Variants in RPGRIP1 observed in about 807,000 individuals in gnomAD.
The protein encoded by RPGRIP1 is RPGR interacting protein 1, also known as X-linked retinitis pigmentosa GTPase regulator-interacting protein 1.
Under a neutral mutation model 157.9 loss-of-function variants are expected in RPGRIP1, and 128 were observed. The observed-to-expected ratio is 0.81, with a 90% CI of 0.70 to 0.94. RPGRIP1 has a LOEUF of 0.94. Ranked by LOEUF, RPGRIP1 falls within the 40% of genes least tolerant of loss-of-function variation. The probability of loss-of-function intolerance (pLI) is 0.00; values close to 1 mark genes in which losing one functional copy is unlikely to be tolerated. For synonymous variants in RPGRIP1, 554 were observed against 571.6 expected (o/e 0.97, Z 0.44); for missense variants, 1,486 against 1,545.8 (o/e 0.96, Z 0.65).
chr14:21,298,915 G>A (rs1159156337), intron 3 of RPGRIP1, among the ~76,000 whole-genome samples: 1 of 134,828 alleles, frequency 7.4e-6, no homozygotes, highest in Non-Finnish European at 1.5e-5. Flanking sequence ...GCTCCAGCCT[G>A]AGCAACAGAG....
At chr14:21,328,110 G>A (rs899978539) in intron 18 of RPGRIP1, among the ~76,000 whole-genome samples, 7 of 151,992 alleles carry the variant, frequency 4.6e-5, no homozygotes, top group African/African-American at 9.7e-5. Flanking sequence ...TGGAGGTTGC[G>A]GCGAGCCGAG....
At chr14:21,330,073 G>C (rs969774823) in intron 19 of RPGRIP1, among the ~76,000 whole-genome samples, 176 bp from the exon 20 acceptor site, 2 of 151,176 alleles carry the variant, frequency 1.3e-5, no homozygotes, top group African/African-American at 2.4e-5. Flanking sequence ...AGCCGAGATG[G>C]TGCCACTGCA....
At position 21,330,262 on chromosome 14, in the gene RPGRIP1, C is replaced by T. The variant is rs1883597379; in HGVS notation, c.3113C>T (p.Thr1038Ile). ...CTTATTCTGAAGCAGGTGAATTACA[C>T]TGAGTGGAAGTTCTCAGAGACTAAC... ...NGNTPEQVNY[T>I]EWKFSETNSF... The change falls in exon 20 of 25, where the codon ACT (threonine) becomes ATT (isoleucine). Residue 1038 changes from threonine (T) to isoleucine (I), a missense_variant. Transcript: ENST00000400017. The T allele has an allele frequency of 6.4e-7, 1 of 1,562,888 alleles. No homozygotes were observed. Among genetic ancestry groups the T allele is most frequent in the Admixed American group, 2.0e-5 (1 of 50,098 alleles).
At chr14:21,318,260 C>A in intron 11 of RPGRIP1, 1 of 347,642 alleles carries the variant, frequency 2.9e-6, no homozygotes, top group Non-Finnish European at 5.5e-6. Context: ...GCATGCACTA[C>A]CACGCCTGGC....
intron 21 of RPGRIP1, among the ~76,000 whole-genome samples, chr14:21,342,587 T>G (rs1885128202): frequency 6.6e-6 from 1 of 151,940 alleles, no homozygotes; most frequent in East Asian, 1.9e-4. Context: ...TAGAAATTTA[T>G]TTATTTGTAT....
Position 21,343,060 on chromosome 14 carries a change from A to G in RPGRIP1, c.3364A>G (p.Ile1122Val), listed in dbSNP as rs1363679912. 1 of 1,612,600 alleles carries G rather than the reference A, an allele frequency of 6.2e-7. No individual in the cohort carries two copies. Among genetic ancestry groups the G allele is most frequent in the Non-Finnish European group, 8.5e-7 (1 of 1,179,310 alleles). ...KADSEKMCIE[I>V]VSLAFYPEAE... is the part of the protein sequence containing the mutation. Reference sequence around the variant, plus strand: ...GGATTCAGAGAAGATGTGCATTGAAATTGTCTCCCTGGCCTTCTACCCAGA... The same window carrying G: ...GGATTCAGAGAAGATGTGCATTGAAGTTGTCTCCCTGGCCTTCTACCCAGA... Residue 1122 changes from isoleucine (I) to valine (V), a missense_variant, in exon 22 of 25, where the codon ATT becomes GTT. Coordinates refer to ENST00000400017, the MANE Select transcript of RPGRIP1 (RefSeq NM_020366.4).
chr14:21,321,725 C>T (rs1882493920), intron 13 of RPGRIP1, 129 bp from the exon 14 acceptor site: 1 of 995,790 alleles, frequency 1.0e-6, no homozygotes, highest in Non-Finnish European at 1.4e-6. Flanking sequence ...GGAAATCAAA[C>T]CTTCTTCTAG....
chr14:21,299,280 G>A (rs1487941934), intron 3 of RPGRIP1, among the ~76,000 whole-genome samples: 1 of 151,978 alleles, frequency 6.6e-6, no homozygotes, highest in African/African-American at 2.4e-5. Context: ...AGGATTACAG[G>A]CGTGAGCCAC....
At chr14:21,341,727 G>T (rs1360535010) in intron 21 of RPGRIP1, among the ~76,000 whole-genome samples, 1 of 152,056 alleles carries the variant, frequency 6.6e-6, no homozygotes, top group Admixed American at 6.6e-5. Context: ...GAAAGGACAG[G>T]GTGATGGCAG....
intron 21 of RPGRIP1, among the ~76,000 whole-genome samples, chr14:21,342,543 CAAAAA>C (rs58979311): frequency 8.8e-6 from 1 of 113,298 alleles, no homozygotes; most frequent in Non-Finnish European, 1.8e-5. Flanking sequence ...GACTCTGTCT[CAAAAA>C]AAAAAAAAAA....
chr14:21,308,111 G>A (rs141055999), intron 7 of RPGRIP1, among the ~76,000 whole-genome samples: 20 of 152,262 alleles, frequency 1.3e-4, no homozygotes, highest in East Asian at 3.9e-4. Flanking sequence ...TAAGGGTTAC[G>A]GTCCCCTACG....
In RPGRIP1 at chr14:21,324,635, G is replaced by A; in HGVS notation, c.1780G>A (p.Ala594Thr). 1 of 1,613,548 alleles carries A rather than the reference G, an allele frequency of 6.2e-7. No individual in the cohort carries two copies. The highest frequency in any genetic ancestry group is 8.5e-7 in the Non-Finnish European group (1 of 1,179,876). Residue 594 changes from alanine (A) to threonine (T), a missense_variant, in exon 15 of 25, where the codon GCT becomes ACT. Transcript: ENST00000400017. ...CCCTCTAGAACAGCTCAAAGATGTT[G>A]CTTATGGCACCCGACCGTTGTCGTT... ...LPTSEQLKDV[A>T]YGTRPLSLCL...
chr14:21,341,278 G>A (rs1413774523), intron 21 of RPGRIP1, among the ~76,000 whole-genome samples: 3 of 152,080 alleles, frequency 2.0e-5, no homozygotes, highest in Admixed American at 1.3e-4. Context: ...TCAACTGCCC[G>A]CCTCGGCCTC....
At position 21,337,254 on chromosome 14, in the gene RPGRIP1, G is replaced by A. The variant is rs373245582; in HGVS notation, c.3339+2549G>A. Among the ~76,000 whole-genome samples, 4 of 152,122 alleles carry A rather than the reference G, an allele frequency of 2.6e-5. 1 individual carries two copies. Among genetic ancestry groups the A allele is most frequent in the African/African-American group, 9.6e-5 (4 of 41,486 alleles). ...TGAGAGAGTTTTTTAACCTCTATTA[G>A]GCCTTGTCTCCTTATCTGTAAAATG... On this transcript the variant is annotated intron_variant, in intron 21 of 24. Transcript: ENST00000400017.
In RPGRIP1 at chr14:21,325,872, T is replaced by C; in HGVS notation, c.2409T>C (p.Ile803=). ...ESWEPQNELW[I]EITKCCGLRS... is the part of the protein sequence containing the mutation. ...GGGAACCTCAGAACGAGCTGTGGAT[T>C]GAAATCACCAAGTGCTGTGGCCTCC... is the stretch of plus-strand genomic sequence containing the variant. The change falls in exon 17 of 25, where the codon ATT becomes ATC. Residue 803 remains isoleucine, a synonymous_variant. Coordinates refer to ENST00000400017, the MANE Select transcript of RPGRIP1 (RefSeq NM_020366.4). 1.2e-6 allele frequency: 2 copies of C among 1,613,826 alleles called. No individual in the cohort carries two copies. Among genetic ancestry groups the C allele is most frequent in the South Asian group, 2.2e-5 (2 of 91,074 alleles).
chr14:21,306,764 CTAT>C lies in RPGRIP1; in HGVS notation c.801-951_801-949del, dbSNP rs542003517. ...GAGCCACCGTGCCGGGTGTATTTTA[CTAT>C]TATTATTATTATTATCATTATTTTT... On this transcript the variant is annotated intron_variant, in intron 6 of 24. Transcript: ENST00000400017. 3.3e-3 allele frequency among the ~76,000 whole-genome samples: 480 copies of C among 144,400 alleles called. 1 individual carries two copies. The highest frequency in any genetic ancestry group is 6.9e-3 in the South Asian group (31 of 4,520). 94.7% of individuals were successfully genotyped at this position (144,400 alleles called of 152,430 possible).
rs1594182773 is a variant in RPGRIP1 at position 21,310,522 on chromosome 14, C to T, written c.907-62C>T. On this transcript the variant is annotated intron_variant, in intron 7 of 24. Coordinates refer to ENST00000400017, the MANE Select transcript of RPGRIP1 (RefSeq NM_020366.4). The stretch of plus-strand genomic sequence containing the variant: ...TTTAAAAATGTTAAGCATTATATTA[C>T]AGTGATAAATATATCATGAAATTGA... 3.7e-6 allele frequency: 3 copies of T among 815,970 alleles called. No individual in the cohort carries two copies. In the East Asian group the frequency reaches 8.5e-5, roughly 23 times the overall value. The allele number at this position is 815,970 out of a possible 1,614,324, so 50.5% of individuals were successfully genotyped here.
At chr14:21,296,378 A>AC (rs1880781795) in intron 3 of RPGRIP1, among the ~76,000 whole-genome samples, 1 of 142,930 alleles carries the variant, frequency 7.0e-6, no homozygotes, top group African/African-American at 2.6e-5. Context: ...TGCCTGGCTA[A>AC]TTTTTTTTTT....
chr14:21,310,557 AAAAT>A, intron 7 of RPGRIP1, 23 bp from the exon 8 acceptor site: 1 of 1,220,440 alleles, frequency 8.2e-7, no homozygotes, highest in Non-Finnish European at 1.1e-6. Flanking sequence ...ATAAATCAAT[AAAAT>A]AATAATAATT....
Sources: allele counts gnomAD v4.1 joint callset (sites outside exome capture counted in the v4.1 genomes callset), GRCh38; gene constraint gnomAD v4.1.1; transcripts MANE v1.5; gene names NCBI Gene and HGNC (gene_info 2026-07-23, HGNC 2026-07-21).